Variants in OR1M1 observed in about 807,000 individuals in gnomAD.
OR1M1 encodes olfactory receptor family 1 subfamily M member 1.
For missense variants in OR1M1, 397 were observed against 401.8 expected (o/e 0.99, Z 0.10); for synonymous variants, 157 against 165.5 (o/e 0.95, Z 0.39).
rs573359626 is a variant in OR1M1, at chr19:9,093,043, A to C, written c.-13-189A>C. The C allele has an allele frequency of 2.1e-3, 662 of 313,806 alleles. 5 individuals carry two copies. Among genetic ancestry groups the C allele is most frequent in the African/African-American group, 0.012 (545 of 45,272 alleles). 19.4% of individuals were successfully genotyped at this position (313,806 alleles called of 1,614,324 possible). Reference sequence around the variant, plus strand: ...ATTCTCTCTCTCTCTCTCTCTATATATATATATATACACACACACATATAT... The same window carrying C: ...ATTCTCTCTCTCTCTCTCTCTATATCTATATATATACACACACACATATAT... On this transcript the variant is annotated intron_variant, in intron 1 of 1. Coordinates refer to ENST00000641627, the MANE Select transcript of OR1M1 (RefSeq NM_001004456.2).
At position 9,087,455 on chromosome 19, in the gene OR1M1, AT is replaced by A. The variant is rs552229369; in HGVS notation, c.-14+303del. 3.0e-3 allele frequency among the ~76,000 whole-genome samples: 448 copies of A among 150,818 alleles called. 2 individuals are homozygous for A. The highest frequency in any genetic ancestry group is 0.01 in the African/African-American group (429 of 41,070). ...ACCACACCCAGCTGATTTTTTGAAC[AT>A]TTTTCCCCCACCGAGATGGAGTTTT... is the stretch of plus-strand genomic sequence containing the variant. On this transcript the variant is annotated intron_variant, in intron 1 of 1. Coordinates refer to ENST00000641627, the MANE Select transcript of OR1M1 (RefSeq NM_001004456.2).
intron 1 of OR1M1, among the ~76,000 whole-genome samples, chr19:9,091,927 T>C (rs1458425609): frequency 7.2e-5 from 11 of 152,020 alleles, no homozygotes; most frequent in Non-Finnish European, 1.6e-4. Flanking sequence ...GTTGTTGTTA[T>C]TGAGATGTAG....
intron 1 of OR1M1, among the ~76,000 whole-genome samples, chr19:9,088,780 C>T (rs867349283): frequency 4.0e-5 from 6 of 151,700 alleles, no homozygotes; most frequent in Admixed American, 2.0e-4. Context: ...CCCAGCTACT[C>T]GGGAGGCTGA....
Position 9,093,530 on chromosome 19 carries a change from T to G in OR1M1, c.286T>G (p.Cys96Gly). ...CGGGAGCAAGGCCATCTCTTATCCCTGCTGCCTGATCCAGATGTACTTCTT... is the reference window on the plus strand; with the variant it reads ...CGGGAGCAAGGCCATCTCTTATCCCGGCTGCCTGATCCAGATGTACTTCTT... ...QTGSKAISYP[C>G]CLIQMYFFHF... The change falls in exon 2 of 2, where the codon TGC becomes GGC. Residue 96 changes from cysteine (C) to glycine (G), a missense_variant. Cys to Gly is a radical substitution (Grantham distance 159). Coordinates refer to ENST00000641627, the MANE Select transcript of OR1M1 (RefSeq NM_001004456.2). 1 of 1,614,188 alleles carries G rather than the reference T, an allele frequency of 6.2e-7. No homozygotes were observed. The highest frequency in any genetic ancestry group is 1.1e-5 in the South Asian group (1 of 91,086).
In OR1M1 at chr19:9,094,091, C is replaced by T; in HGVS notation, c.847C>T (p.Pro283Ser). ...ASAVMYTAVT[P>S]MLNPFIYSLR... ...TGCGGTGATGTACACAGCAGTCACC[C>T]CCATGCTGAATCCCTTCATCTACAG... is the stretch of plus-strand genomic sequence containing the variant. The change falls in exon 2 of 2, where the codon CCC (proline) becomes TCC (serine). Residue 283 changes from proline to serine, a missense_variant. By Grantham distance (74) the Pro-to-Ser change is moderately conservative (BLOSUM62 -1). Coordinates refer to ENST00000641627, the MANE Select transcript of OR1M1 (RefSeq NM_001004456.2). The T allele has an allele frequency of 6.2e-7, 1 of 1,613,846 alleles. No individual in the cohort carries two copies. The highest frequency in any genetic ancestry group is 8.5e-7 in the Non-Finnish European group (1 of 1,179,942).
Position 9,094,227 on chromosome 19 carries a change from A to C in OR1M1, c.*41A>C. ...AACTTCTGGGGGGTAGAATATATAC[A>C]TCTGGGAGTCTTGGGCTAACATCTG... is the stretch of plus-strand genomic sequence containing the variant. On this transcript the variant is annotated 3_prime_UTR_variant, in exon 2 of 2. Transcript: ENST00000641627. 2 of 1,234,508 alleles carry C rather than the reference A, an allele frequency of 1.6e-6. No individual in the cohort carries two copies. Among genetic ancestry groups the C allele is most frequent in the Non-Finnish European group, 2.3e-6 (2 of 875,834 alleles). 76.5% of individuals were successfully genotyped at this position (1,234,508 alleles called of 1,614,324 possible). A position where few individuals can be genotyped will look rare whatever the true frequency, so the allele number is the denominator to read the frequency against.
chr19:9,091,118 G>T (rs1353020054), intron 1 of OR1M1, among the ~76,000 whole-genome samples: 1 of 151,898 alleles, frequency 6.6e-6, no homozygotes, highest in East Asian at 2.0e-4. Flanking sequence ...AGTGAGCCGA[G>T]ATCGTGCCAC....
At chr19:9,087,940 C>G (rs2569404) in intron 1 of OR1M1, among the ~76,000 whole-genome samples, 103,039 of 151,556 alleles carry the variant, frequency 0.68, 35,163 homozygotes, top group East Asian at 0.8. Flanking sequence ...ACCCAGGCTG[C>G]AGTGCAGTGG....
Position 9,093,916 on chromosome 19 carries a change from C to T in OR1M1, c.672C>T (p.Ala224=), listed in dbSNP as rs747696649. The stretch of plus-strand genomic sequence containing the variant: ...CCTCCTATGCTCGCATCCTTGTGGC[C>T]ATCATGAAGGTCCCCTCTGCAGGCG... ...ILASYARILV[A]IMKVPSAGGR... is the part of the protein sequence containing the mutation. Residue 224 remains alanine, a synonymous_variant, in exon 2 of 2, where the codon GCC becomes GCT. Coordinates refer to ENST00000641627, the MANE Select transcript of OR1M1 (RefSeq NM_001004456.2). 1 of 1,614,168 alleles carries T rather than the reference C, an allele frequency of 6.2e-7. No homozygotes were observed. Among genetic ancestry groups the T allele is most frequent in the Non-Finnish European group, 8.5e-7 (1 of 1,180,034 alleles).
In OR1M1 at chr19:9,095,601, A is replaced by G. The variant is rs1393337031; in HGVS notation, c.*1415A>G. 6.6e-6 allele frequency: 1 copy of G among 151,416 alleles called. No individual in the cohort carries two copies. The allele number at this position is 151,416 out of a possible 1,614,324, so 9.4% of individuals were successfully genotyped here. On this transcript the variant is annotated 3_prime_UTR_variant, in exon 2 of 2. Transcript: ENST00000641627. ...TTTTTGGTAGAGATGGGGTCTCACT[A>G]TGTTGTCCAGGCTGCTCTCAAACTC... is the stretch of plus-strand genomic sequence containing the variant.
chr19:9,088,888 CA>C (rs56097294), intron 1 of OR1M1, among the ~76,000 whole-genome samples: 44,577 of 148,968 alleles, frequency 0.3, 6,765 homozygotes, highest in Admixed American at 0.37. Flanking sequence ...AACTCTGTCT[CA>C]AAAAAAAAAA....
intron 1 of OR1M1, among the ~76,000 whole-genome samples, chr19:9,087,969 C>A (rs1316519585): frequency 6.6e-6 from 1 of 152,022 alleles, no homozygotes; most frequent in Non-Finnish European, 1.5e-5. Context: ...TGGCTCACTG[C>A]AACCTCCATC....
intron 1 of OR1M1, among the ~76,000 whole-genome samples, chr19:9,087,966 C>T (rs929515601): frequency 1.3e-5 from 2 of 152,050 alleles, no homozygotes; most frequent in African/African-American, 4.8e-5. Context: ...TCTTGGCTCA[C>T]TGCAACCTCC....
chr19:9,092,508 C>T (rs2145904506), intron 1 of OR1M1, among the ~76,000 whole-genome samples: 1 of 152,226 alleles, frequency 6.6e-6, no homozygotes, highest in East Asian at 1.9e-4. Context: ...GAGGCTGTGG[C>T]AGGAGGCTGG....
In OR1M1 at chr19:9,093,145, C is replaced by T. The variant is rs563770788; in HGVS notation, c.-13-87C>T. The T allele has an allele frequency of 1.6e-5, 11 of 701,554 alleles. No homozygotes were observed. In the Admixed American group the frequency reaches 3.2e-4, roughly 20 times the overall value. The allele number at this position is 701,554 out of a possible 1,614,324, so 43.5% of individuals were successfully genotyped here. A position where few individuals can be genotyped will look rare whatever the true frequency, so the allele number is the denominator to read the frequency against. On this transcript the variant is annotated intron_variant, in intron 1 of 1. Transcript: ENST00000641627. ...ATACACATCTGGTCTCATAATTAGC[C>T]CAAATGAGAACTGGGATGTGATCGC...
chr19:9,088,496 C>A (rs2050276114), intron 1 of OR1M1, among the ~76,000 whole-genome samples: 1 of 152,220 alleles, frequency 6.6e-6, no homozygotes, highest in Non-Finnish European at 1.5e-5. Flanking sequence ...TCAGTGAAAG[C>A]TTAGGTGTCA....
At chr19:9,089,372 C>T (rs1008440517) in intron 1 of OR1M1, among the ~76,000 whole-genome samples, 5 of 151,150 alleles carry the variant, frequency 3.3e-5, no homozygotes, top group African/African-American at 1.2e-4. Context: ...ATGACAAGAT[C>T]TCCTTCATTT....
At position 9,088,519 on chromosome 19, in the gene OR1M1, GT is replaced by G. The variant is rs1360407867; in HGVS notation, c.-14+1363del. On this transcript the variant is annotated intron_variant, in intron 1 of 1. Transcript: ENST00000641627. Reference sequence around the variant, plus strand: ...AGCTTAGGTGTCAGGGCAGGAGGATGTCTGAGATCAGTTCCTTGATTCCATT... The same window carrying G: ...AGCTTAGGTGTCAGGGCAGGAGGATGCTGAGATCAGTTCCTTGATTCCATT... Among the ~76,000 whole-genome samples, 141 of 152,328 alleles carry G rather than the reference GT, an allele frequency of 9.3e-4. 2 individuals carry two copies. Among genetic ancestry groups the G allele is most frequent in the Non-Finnish European group, 1.8e-4 (12 of 68,032 alleles).
chr19:9,094,597 T>G lies in OR1M1; in HGVS notation c.*411T>G. ...TTCTGTTGCCCAGGCTGGAGTGCAGTGGCATGATCACGGCTCATTGCAGCC... is the reference window on the plus strand; with the variant it reads ...TTCTGTTGCCCAGGCTGGAGTGCAGGGGCATGATCACGGCTCATTGCAGCC... On this transcript the variant is annotated 3_prime_UTR_variant, in exon 2 of 2. Transcript: ENST00000641627. 5.9e-6 allele frequency: 1 copy of G among 168,544 alleles called. No homozygotes were observed. Among genetic ancestry groups the G allele is most frequent in the Admixed American group, 5.7e-5 (1 of 17,460 alleles). The allele number at this position is 168,544 out of a possible 1,614,324, so 10.4% of individuals were successfully genotyped here.
Sources: gnomAD v4.1 joint callset for allele counts (sites outside exome capture counted in the v4.1 genomes callset) on GRCh38, gnomAD v4.1.1 for gene constraint, MANE v1.5 for transcripts, NCBI Gene and HGNC (gene_info 2026-07-23, HGNC 2026-07-21) for gene names.